HSPBAP1: variants seen among roughly 807,000 people sequenced by gnomAD.
The protein encoded by HSPBAP1 is HSPB1-associated protein 1.
Under a neutral mutation model 45.2 loss-of-function variants are expected in HSPBAP1, and 27 were observed. The observed-to-expected ratio is 0.60, with a 90% confidence interval of 0.44 to 0.82. The LOEUF is 0.82. Ranked by LOEUF, HSPBAP1 falls within the 40% of genes least tolerant of loss-of-function variation. The pLI is 0.00. For missense variants in HSPBAP1, 510 were observed against 590.9 expected, an observed-to-expected ratio of 0.86 and a Z score of 1.42; for synonymous variants, 204 against 202.7, an observed-to-expected ratio of 1.01 and a Z score of -0.06.
intron 6 of HSPBAP1, among the ~76,000 whole-genome samples, chr3:122,744,443 G>C (rs1251162783): frequency 6.6e-6 from 1 of 152,212 alleles, no homozygotes; most frequent in African/African-American, 2.4e-5. Flanking sequence ...AGGAATTATT[G>C]TCCAATGTTG....
intron 6 of HSPBAP1, among the ~76,000 whole-genome samples, chr3:122,745,752 C>A (rs556656872): frequency 6.6e-6 from 1 of 152,198 alleles, no homozygotes. Flanking sequence ...GCATAAAGTG[C>A]TTCCTTTAAG....
chr3:122,776,287 T>C (rs1281818230), intron 2 of HSPBAP1, among the ~76,000 whole-genome samples: 1 of 152,230 alleles, frequency 6.6e-6, no homozygotes, highest in Non-Finnish European at 1.5e-5. Context: ...GGATTTTATT[T>C]AATAAAAAAG....
In HSPBAP1 at chr3:122,759,711, G is replaced by A. The variant is rs989858090; in HGVS notation, c.433-351C>T. ...TTGGAAACAGACAATAAACAGACAG[G>A]ATTATGCTGATATTTAGGGAAAGCG... is the stretch of plus-strand genomic sequence containing the variant. On this transcript the variant is annotated intron_variant, in intron 3 of 7. Coordinates refer to ENST00000306103, the MANE Select transcript of HSPBAP1 (RefSeq NM_024610.6). Among the ~76,000 whole-genome samples, 20 of 152,192 alleles carry A rather than the reference G, an allele frequency of 1.3e-4. 1 individual carries two copies. The highest frequency in any genetic ancestry group is 1.3e-3 in the Admixed American group (20 of 15,278).
chr3:122,792,669 G>T (rs1864382), intron 1 of HSPBAP1, among the ~76,000 whole-genome samples: 103,225 of 151,526 alleles, frequency 0.68, 35,837 homozygotes, highest in Non-Finnish European at 0.77. Context: ...GGTCAAGAGA[G>T]CGAGACCATC....
At chr3:122,744,837 A>C (rs1171078930) in intron 6 of HSPBAP1, among the ~76,000 whole-genome samples, 1 of 152,242 alleles carries the variant, frequency 6.6e-6, no homozygotes, top group Non-Finnish European at 1.5e-5. Context: ...TATTAAAAAC[A>C]GTATATCAAA....
chr3:122,757,401 T>A (rs1934393982), intron 4 of HSPBAP1, among the ~76,000 whole-genome samples: 1 of 152,188 alleles, frequency 6.6e-6, no homozygotes, highest in Non-Finnish European at 1.5e-5. Context: ...ATCTGGGTCT[T>A]TTGAGCACTT....
rs1205651425 is a variant in HSPBAP1, at chr3:122,740,343, A to T, written c.*2T>A. The stretch of plus-strand genomic sequence containing the variant: ...TATTTTAAAAGTCATCTTCCACTTG[A>T]ATCATAAACTTCTTCCTTGTATCAA... On this transcript the variant is annotated 3_prime_UTR_variant, in exon 8 of 8. Transcript: ENST00000306103. 1 of 1,557,352 alleles carries T rather than the reference A, an allele frequency of 6.4e-7. No homozygotes were observed. The highest frequency in any genetic ancestry group is 1.2e-5 in the South Asian group (1 of 82,670).
chr3:122,758,665 G>T (rs1011989744), intron 4 of HSPBAP1: 2 of 448,482 alleles, frequency 4.5e-6, no homozygotes, highest in Non-Finnish European at 8.9e-6. Context: ...CCAGAACTTT[G>T]AGAGGCCAAG....
Position 122,741,172 on chromosome 3 carries a change from A to G in HSPBAP1, c.826-59T>C, listed in dbSNP as rs1480949047. ...AAGTCTCATGGCTTTTTAAGAGATA[A>G]TAAAGTCTGTTTTAATTTCATCTTC... On this transcript the variant is annotated intron_variant, in intron 6 of 7. Coordinates refer to ENST00000306103, the MANE Select transcript of HSPBAP1 (RefSeq NM_024610.6). 5 of 1,216,950 alleles carry G rather than the reference A, an allele frequency of 4.1e-6. No homozygotes were observed. The South Asian group carries it at 6.1e-5, about 15-fold the overall frequency. The allele number at this position is 1,216,950 out of a possible 1,614,324, so 75.4% of individuals were successfully genotyped here.
At chr3:122,780,661 C>T in intron 1 of HSPBAP1, among the ~76,000 whole-genome samples, 1 of 149,492 alleles carries the variant, frequency 6.7e-6, no homozygotes, top group African/African-American at 2.5e-5. Flanking sequence ...GGCTGACCCC[C>T]CCACCTCCCT....
intron 6 of HSPBAP1, chr3:122,741,522 A>G (rs1933667639): frequency 5.8e-6 from 1 of 173,714 alleles, no homozygotes; most frequent in Admixed American, 5.5e-5. Context: ...CTTGGCTACA[A>G]GAATGAGATG....
intron 1 of HSPBAP1, among the ~76,000 whole-genome samples, chr3:122,790,967 C>A (rs1468312124): frequency 6.6e-6 from 1 of 152,106 alleles, no homozygotes; most frequent in Non-Finnish European, 1.5e-5. Flanking sequence ...TCTCTAATTT[C>A]TTTTCTTTCA....
chr3:122,756,090 C>A (rs991379050), intron 4 of HSPBAP1, among the ~76,000 whole-genome samples: 3 of 151,960 alleles, frequency 2.0e-5, no homozygotes, highest in African/African-American at 7.3e-5. Flanking sequence ...ATGCTTTATG[C>A]CAATAGAGGG....
At chr3:122,777,360 T>C (rs142013602) in intron 2 of HSPBAP1, among the ~76,000 whole-genome samples, 138 of 152,318 alleles carry the variant, frequency 9.1e-4, no homozygotes, top group Middle Eastern at 3.4e-3. Flanking sequence ...ACTATTAGAT[T>C]AGTATTGGTC....
At chr3:122,785,790 G>A (rs1348476711) in intron 1 of HSPBAP1, among the ~76,000 whole-genome samples, 1 of 152,146 alleles carries the variant, frequency 6.6e-6, no homozygotes, top group Admixed American at 6.6e-5. Context: ...CAACAGGACT[G>A]ACTGAAAAAT....
intron 6 of HSPBAP1, 179 bp from the exon 7 acceptor site, chr3:122,741,292 G>C: frequency 1.7e-6 from 1 of 591,868 alleles, no homozygotes; most frequent in Non-Finnish European, 3.0e-6. Context: ...CTGCCATCTA[G>C]AAGAGCTGCA....
intron 1 of HSPBAP1, chr3:122,786,589 T>A (rs1020204041): frequency 3.9e-5 from 6 of 152,178 alleles, no homozygotes; most frequent in African/African-American, 9.7e-5. Flanking sequence ...AAGTTAAATT[T>A]AAAAAATGTA....
At chr3:122,784,281 G>A (rs1935583659) in intron 1 of HSPBAP1, among the ~76,000 whole-genome samples, 1 of 152,142 alleles carries the variant, frequency 6.6e-6, no homozygotes, top group Non-Finnish European at 1.5e-5. Context: ...CATCCTTTGG[G>A]AAACAACTGG....
chr3:122,762,424 A>G (rs1277074704), intron 3 of HSPBAP1, among the ~76,000 whole-genome samples: 2 of 152,064 alleles, frequency 1.3e-5, no homozygotes, highest in African/African-American at 4.8e-5. Context: ...ATGGAATTGT[A>G]ACATTCCATG....
Sources: allele counts gnomAD v4.1 joint callset (sites outside exome capture counted in the v4.1 genomes callset), GRCh38; gene constraint gnomAD v4.1.1; transcripts MANE v1.5; gene names NCBI Gene and HGNC (gene_info 2026-07-23, HGNC 2026-07-21).